Variants in LAMA2 observed in about 807,000 individuals in gnomAD.
LAMA2 encodes laminin subunit alpha-2.
LAMA2 carries 269 observed loss-of-function variants against 364.8 expected under a neutral mutation model. The ratio of observed to expected loss-of-function variants is 0.74; its 90% CI spans 0.67 to 0.82. LAMA2 has a LOEUF of 0.82. Ranked by LOEUF, LAMA2 falls within the 40% of genes least tolerant of loss-of-function variation. The probability of loss-of-function intolerance (pLI) is 0.00; values close to 1 mark genes in which losing one functional copy is unlikely to be tolerated. For synonymous variants in LAMA2, 1,379 were observed against 1,370.6 expected (o/e 1.01, Z -0.14); for missense variants, 3,807 against 3,873.2 (o/e 0.98, Z 0.45).
chr6:129,347,730 G>A (rs538017390), intron 30 of LAMA2, among the ~76,000 whole-genome samples: 1 of 152,102 alleles, frequency 6.6e-6, no homozygotes, highest in Admixed American at 6.6e-5. Flanking sequence ...AGAAGATTAG[G>A]GAGTTGTGAA....
chr6:129,349,656 T>C (rs1776750774), intron 31 of LAMA2, among the ~76,000 whole-genome samples: 1 of 151,114 alleles, frequency 6.6e-6, no homozygotes, highest in African/African-American at 2.4e-5. Flanking sequence ...TATAATTTTA[T>C]ATGTAAATAT....
At chr6:129,143,043 A>G (rs1778223909) in intron 4 of LAMA2, among the ~76,000 whole-genome samples, 1 of 152,006 alleles carries the variant, frequency 6.6e-6, no homozygotes. Context: ...TTTGTCACAC[A>G]GTTTATTCTT....
intron 37 of LAMA2, among the ~76,000 whole-genome samples, chr6:129,398,472 C>CTTTTCT (rs778908152): frequency 9.0e-6 from 1 of 110,552 alleles, no homozygotes; most frequent in African/African-American, 3.6e-5. Context: ...CTTTTCTTTT[C>CTTTTCT]TTTTTTTTTT....
intron 1 of LAMA2, among the ~76,000 whole-genome samples, chr6:129,017,781 T>C (rs1785171015): frequency 6.6e-6 from 1 of 152,116 alleles, no homozygotes; most frequent in Non-Finnish European, 1.5e-5. Context: ...CATTATTTCA[T>C]TTATTCTATG....
chr6:129,408,787 C>A (rs529346741), intron 40 of LAMA2, among the ~76,000 whole-genome samples: 1 of 152,278 alleles, frequency 6.6e-6, no homozygotes, highest in South Asian at 2.1e-4. Context: ...GCCACCATGG[C>A]CACTTTGTTC....
intron 12 of LAMA2, among the ~76,000 whole-genome samples, chr6:129,198,531 G>A (rs918674299): frequency 6.6e-6 from 1 of 152,142 alleles, no homozygotes; most frequent in Non-Finnish European, 1.5e-5. Context: ...ACAAATGAAT[G>A]AGATGAATAA....
chr6:129,322,998 GACTTTC>G (rs149189914), intron 28 of LAMA2, among the ~76,000 whole-genome samples: 9 of 152,322 alleles, frequency 5.9e-5, no homozygotes, highest in African/African-American at 2.2e-4. Flanking sequence ...ACCGTCCCAT[GACTTTC>G]ACTTAAGCAT....
At chr6:129,105,336 C>G (rs528190166) in intron 4 of LAMA2, among the ~76,000 whole-genome samples, 1 of 152,178 alleles carries the variant, frequency 6.6e-6, no homozygotes, top group Admixed American at 6.5e-5. Flanking sequence ...AAGCAGTAGC[C>G]CAGATGCTAT....
Position 129,505,325 on chromosome 6 carries a change from C to T in LAMA2, c.8673C>T (p.Pro2891=), listed in dbSNP as rs2114901082. 4 of 1,613,824 alleles carry T rather than the reference C, an allele frequency of 2.5e-6. No individual in the cohort carries two copies. Among genetic ancestry groups the T allele is most frequent in the Non-Finnish European group, 3.4e-6 (4 of 1,179,728 alleles). ...GAATGCTGTATGTTGGTGGGTTACC[C>T]ATCAACTACACTACCCGAAGAATTG... is the stretch of plus-strand genomic sequence containing the variant. The part of the protein sequence containing the change: ...VVGMLYVGGL[P]INYTTRRIGP... Residue 2891 remains proline (P), a synonymous_variant, in exon 61 of 65, where the codon CCC becomes CCT. Coordinates refer to ENST00000421865, the MANE Select transcript of LAMA2 (RefSeq NM_000426.4).
intron 52 of LAMA2, among the ~76,000 whole-genome samples, chr6:129,474,119 A>G (rs555988456): frequency 2.0e-5 from 3 of 152,128 alleles, no homozygotes; most frequent in South Asian, 4.1e-4. Context: ...CATGTTTTTA[A>G]TTTTTTGTTT....
rs148285711 is a variant in LAMA2 at position 129,507,512 on chromosome 6, C to A, written c.8727C>A (p.Cys2909Ter). ...AGGTGACCTATAGCATTGATGGCTG[C>A]GTCAGGAATCTCCACATGGCAGAGG... Reference protein sequence around the residue: ...IGPVTYSIDGCVRNLHMAEAP... With the variant: ...IGPVTYSIDG The change falls in exon 62 of 65, where the codon TGC becomes TGA. Residue 2909 changes from cysteine (C) to a stop codon, truncating the protein, a stop_gained. Transcript: ENST00000421865. LOFTEE classifies it high-confidence loss of function. The A allele has an allele frequency of 6.2e-7, 1 of 1,614,034 alleles. No individual in the cohort carries two copies. Among genetic ancestry groups the A allele is most frequent in the Non-Finnish European group, 8.5e-7 (1 of 1,179,982 alleles).
chr6:129,288,011 G>A lies in LAMA2; in HGVS notation c.2702G>A (p.Cys901Tyr). 6.2e-7 allele frequency: 1 copy of A among 1,614,110 alleles called. No homozygotes were observed. The highest frequency in any genetic ancestry group is 8.5e-7 in the Non-Finnish European group (1 of 1,179,952). Residue 901 changes from cysteine to tyrosine, a missense_variant, in exon 19 of 65, where the codon TGT becomes TAT. Coordinates refer to ENST00000421865, the MANE Select transcript of LAMA2 (RefSeq NM_000426.4). The part of the protein sequence containing the change: ...PGTTGRYCEL[C>Y]ADGYFGDAVD... ...ACAACAGGCCGGTACTGTGAGCTCT[G>A]TGCTGATGGATATTTTGGAGATGCA...
chr6:129,250,642 C>G (rs535609050), intron 13 of LAMA2, among the ~76,000 whole-genome samples: 20 of 152,182 alleles, frequency 1.3e-4, no homozygotes, highest in African/African-American at 4.6e-4. Context: ...TAAATCTTGA[C>G]TTCAGAATCC....
Position 129,412,804 on chromosome 6 carries a change from T to C in LAMA2, c.5865+8845T>C, listed in dbSNP as rs113103821. Among the ~76,000 whole-genome samples, 53 of 152,240 alleles carry C rather than the reference T, an allele frequency of 3.5e-4. 1 individual carries two copies. Among genetic ancestry groups the C allele is most frequent in the African/African-American group, 1.2e-3 (50 of 41,540 alleles). On this transcript the variant is annotated intron_variant, in intron 40 of 64. Coordinates refer to ENST00000421865, the MANE Select transcript of LAMA2 (RefSeq NM_000426.4). ...GGAAGAGAAAAAATGAAGAGACATGTAGGCCCCTACCATACTGGCTCATGA... is the reference window on the plus strand; with the variant it reads ...GGAAGAGAAAAAATGAAGAGACATGCAGGCCCCTACCATACTGGCTCATGA...
intron 1 of LAMA2, among the ~76,000 whole-genome samples, chr6:129,018,193 G>C (rs1785194765): frequency 1.3e-5 from 2 of 151,908 alleles, no homozygotes; most frequent in Non-Finnish European, 2.9e-5. Flanking sequence ...ATAATAAACT[G>C]TCTTTTTAGG....
At chr6:129,292,332 T>C (rs956282742) in intron 20 of LAMA2, among the ~76,000 whole-genome samples, 12 of 152,274 alleles carry the variant, frequency 7.9e-5, no homozygotes, top group African/African-American at 2.9e-4. Context: ...GGCGACCGAG[T>C]GAGACTCCAT....
Position 129,481,330 on chromosome 6 carries a change from G to C in LAMA2, c.7640G>C (p.Gly2547Ala), listed in dbSNP as rs115488979. 6.2e-7 allele frequency: 1 copy of C among 1,613,808 alleles called. No homozygotes were observed. The highest frequency in any genetic ancestry group is 8.5e-7 in the Non-Finnish European group (1 of 1,179,836). Reference sequence around the variant, plus strand: ...CTCTCCCCTGTGCCAATTGATGTAGGAACAGAAATCAACCTGTCATTCAGC... The same window carrying C: ...CTCTCCCCTGTGCCAATTGATGTAGCAACAGAAATCAACCTGTCATTCAGC... ...VELSPVPIDV[G>A]TEINLSFSTK... Residue 2547 changes from glycine (G) to alanine (A), a missense_variant, in exon 55 of 65, where the codon GGA becomes GCA. Physicochemically the swap from Gly to Ala is moderately conservative, Grantham distance 60. This residue lies in a region of LAMA2 where 3,333 missense variants were observed against 3,345.7 expected (regional missense o/e 1.00). Coordinates refer to ENST00000421865, the MANE Select transcript of LAMA2 (RefSeq NM_000426.4).
chr6:129,240,084 C>G (rs1046321171), intron 12 of LAMA2, among the ~76,000 whole-genome samples: 1 of 152,270 alleles, frequency 6.6e-6, no homozygotes, highest in East Asian at 1.9e-4. Context: ...TGCAAGGGTC[C>G]AAAAGCTGAA....
intron 9 of LAMA2, among the ~76,000 whole-genome samples, chr6:129,166,126 G>A (rs73773690): frequency 0.028 from 4,317 of 152,232 alleles, 201 homozygotes; most frequent in African/African-American, 0.098. Flanking sequence ...CAATAATATA[G>A]AAAGCAAGAA....
Sources: gnomAD v4.1 joint callset for allele counts (sites outside exome capture counted in the v4.1 genomes callset) on GRCh38, gnomAD v4.1.1 for gene constraint, gnomAD v4.1.1 regional missense constraint, MANE v1.5 for transcripts, NCBI Gene and HGNC (gene_info 2026-07-23, HGNC 2026-07-21) for gene names.